FSHR: variants seen among roughly 807,000 people sequenced by gnomAD.
FSHR encodes the protein follicle stimulating hormone receptor.
In FSHR, 46 loss-of-function variants were observed where a neutral mutation model predicts 52.1. That is an observed-to-expected ratio of 0.88 (90% confidence interval 0.70 to 1.13). The LOEUF is 1.13. Among genes scored for constraint, FSHR ranks in the 50% most tolerant of loss-of-function variants. FSHR has a pLI of 0.00. For missense variants in FSHR, 964 were observed against 834.6 expected (o/e 1.16, Z -1.91); for synonymous variants, 399 against 309.6 (o/e 1.29, Z -3.03).
intron 1 of FSHR, among the ~76,000 whole-genome samples, chr2:49,087,896 T>TA (rs1338551521): frequency 2.0e-5 from 3 of 152,200 alleles, no homozygotes; most frequent in Non-Finnish European, 4.4e-5. Context: ...GAGAGAGAGA[T>TA]ATGTGTAGTC....
intron 2 of FSHR, among the ~76,000 whole-genome samples, chr2:49,024,849 T>C (rs1667865818): frequency 6.6e-6 from 1 of 152,196 alleles, no homozygotes; most frequent in African/African-American, 2.4e-5. Flanking sequence ...CTAAATTCAG[T>C]TGACTGTTTT....
At chr2:49,095,304 G>A (rs1039184841) in intron 1 of FSHR, among the ~76,000 whole-genome samples, 2 of 152,102 alleles carry the variant, frequency 1.3e-5, no homozygotes, top group African/African-American at 2.4e-5. Flanking sequence ...ATAGAATTGA[G>A]AGTCCGGAAA....
chr2:49,027,625 C>T (rs112162253), intron 2 of FSHR, among the ~76,000 whole-genome samples: 2 of 151,906 alleles, frequency 1.3e-5, no homozygotes, highest in Admixed American at 6.6e-5. Context: ...CGAGGTGGGC[C>T]GATCACTTGA....
chr2:48,965,789 C>G (rs1331967310), intron 9 of FSHR, among the ~76,000 whole-genome samples: 1 of 152,194 alleles, frequency 6.6e-6, no homozygotes, highest in African/African-American at 2.4e-5. Context: ...GACCCACTGA[C>G]ATGAAGTAAG....
chr2:49,144,159 T>C (rs886975862), intron 1 of FSHR, among the ~76,000 whole-genome samples: 2 of 152,130 alleles, frequency 1.3e-5, no homozygotes, highest in African/African-American at 4.8e-5. Context: ...GACTTCATCC[T>C]CCAGTAGGAA....
At chr2:48,966,449 A>G (rs1431185205) in intron 9 of FSHR, among the ~76,000 whole-genome samples, 1 of 152,214 alleles carries the variant, frequency 6.6e-6, no homozygotes, top group East Asian at 1.9e-4. Flanking sequence ...TATCAGGTTC[A>G]ATGACAAATG....
chr2:48,984,163 C>G (rs1036431641), intron 6 of FSHR, among the ~76,000 whole-genome samples: 1 of 152,190 alleles, frequency 6.6e-6, no homozygotes, highest in African/African-American at 2.4e-5. Flanking sequence ...CCAGAAAACA[C>G]TTAAAATCAC....
intron 4 of FSHR, among the ~76,000 whole-genome samples, chr2:48,993,548 C>A (rs1417949191): frequency 2.0e-5 from 3 of 152,156 alleles, no homozygotes; most frequent in Non-Finnish European, 4.4e-5. Context: ...TTATCCTCCT[C>A]TTCTTTTCCA....
chr2:49,014,733 A>G, intron 4 of FSHR: 1 of 227,928 alleles, frequency 4.4e-6, no homozygotes, highest in Non-Finnish European at 9.3e-6. Context: ...TGCTATTATT[A>G]TCATGGGCTA....
intron 1 of FSHR, among the ~76,000 whole-genome samples, chr2:49,083,059 T>C (rs1249731480): frequency 1.3e-5 from 2 of 150,746 alleles, no homozygotes; most frequent in African/African-American, 4.9e-5. Flanking sequence ...TCACCAAAGT[T>C]GAAATGAAGG....
At chr2:48,982,253 G>C (rs1013049015) in intron 8 of FSHR, among the ~76,000 whole-genome samples, 4 of 152,136 alleles carry the variant, frequency 2.6e-5, no homozygotes, top group Admixed American at 6.5e-5. Context: ...GGCAGTGTAG[G>C]TAAGAAGAGA....
intron 6 of FSHR, among the ~76,000 whole-genome samples, chr2:48,985,289 G>C (rs992914120): frequency 2.0e-5 from 3 of 152,186 alleles, no homozygotes; most frequent in African/African-American, 7.2e-5. Context: ...CTAAAGAGTG[G>C]AGGTGCTGGG....
chr2:49,004,296 T>G (rs901139926), intron 4 of FSHR, among the ~76,000 whole-genome samples: 4 of 152,340 alleles, frequency 2.6e-5, no homozygotes, highest in Non-Finnish European at 2.9e-5. Context: ...AGCTGCACTT[T>G]AGCTGTGCTT....
chr2:49,125,339 A>C (rs1445060903), intron 1 of FSHR, among the ~76,000 whole-genome samples: 1 of 152,216 alleles, frequency 6.6e-6, no homozygotes, highest in Non-Finnish European at 1.5e-5. Context: ...TCACAAAAAA[A>C]TCTCATAATG....
chr2:49,128,492 GA>G (rs34017410), intron 1 of FSHR, among the ~76,000 whole-genome samples: 40,493 of 147,266 alleles, frequency 0.27, 5,791 homozygotes, highest in East Asian at 0.48. Flanking sequence ...CTGTGGCCTG[GA>G]AAAAAAAAAA....
intron 2 of FSHR, among the ~76,000 whole-genome samples, chr2:49,061,327 CAAA>C (rs1669280260): frequency 6.6e-6 from 1 of 151,684 alleles, no homozygotes; most frequent in African/African-American, 2.4e-5. Context: ...CCTGTAAAGA[CAAA>C]TATAAACTGA....
chr2:49,040,986 C>G (rs910076185), intron 2 of FSHR, among the ~76,000 whole-genome samples: 12 of 152,126 alleles, frequency 7.9e-5, no homozygotes, highest in African/African-American at 2.9e-4. Context: ...TGGTTTCTTT[C>G]ATTGTCGGTC....
At chr2:49,036,175 G>C (rs900553423) in intron 2 of FSHR, among the ~76,000 whole-genome samples, 15 of 152,100 alleles carry the variant, frequency 9.9e-5, no homozygotes, top group Admixed American at 9.2e-4. Context: ...TTATACTTCA[G>C]GGACACTCCC....
chr2:49,147,631 T>C (rs1672915781), intron 1 of FSHR, among the ~76,000 whole-genome samples: 2 of 152,044 alleles, frequency 1.3e-5, no homozygotes, highest in Admixed American at 1.3e-4. Context: ...ATTCTCAGGA[T>C]AGAGTTCATC....
Sources: allele counts gnomAD v4.1 joint callset (sites outside exome capture counted in the v4.1 genomes callset), GRCh38; gene constraint gnomAD v4.1.1; transcripts MANE v1.5; gene names NCBI Gene and HGNC (gene_info 2026-07-23, HGNC 2026-07-21).